ZCWPW2: variants seen among roughly 807,000 people sequenced by gnomAD.
The protein encoded by ZCWPW2 is zinc finger CW-type and PWWP domain containing 2, also known as zinc finger CW-type PWWP domain protein 2.
Under a neutral mutation model 46.6 loss-of-function variants are expected in ZCWPW2, and 45 were observed. The observed-to-expected ratio is 0.96, with a 90% CI of 0.76 to 1.24. The LOEUF (loss-of-function observed/expected upper bound fraction) is 1.24, where lower values mean the gene tolerates loss of function less well. Ranked by LOEUF, ZCWPW2 falls within the 50% of genes most tolerant of loss-of-function variation. The probability of loss-of-function intolerance (pLI) is 0.00; values close to 1 mark genes in which losing one functional copy is unlikely to be tolerated. For synonymous variants in ZCWPW2, 152 were observed against 137.1 expected (o/e 1.11, Z -0.76); for missense variants, 429 against 403.9 (o/e 1.06, Z -0.53).
chr3:28,522,257 G>A (rs376550337), intron 9 of ZCWPW2, among the ~76,000 whole-genome samples: 2 of 152,216 alleles, frequency 1.3e-5, no homozygotes, highest in East Asian at 3.9e-4. Context: ...AGAACTTAAA[G>A]TATAATTTAA....
In ZCWPW2 at chr3:28,427,137, G is replaced by C. The variant is rs143614230; in HGVS notation, c.333-7973G>C. On this transcript the variant is annotated intron_variant, in intron 3 of 9. Transcript: ENST00000383768. ...TATACTTTTCTTGTAATTCTGATAAGTTACCATTGGGTTGCCCACTCCTCT... is the reference window on the plus strand; with the variant it reads ...TATACTTTTCTTGTAATTCTGATAACTTACCATTGGGTTGCCCACTCCTCT... 2.5e-3 allele frequency among the ~76,000 whole-genome samples: 386 copies of C among 152,264 alleles called. 1 individual carries two copies. The highest frequency in any genetic ancestry group is 8.4e-3 in the African/African-American group (350 of 41,548).
intron 2 of ZCWPW2, among the ~76,000 whole-genome samples, chr3:28,408,512 A>G (rs1433405342): frequency 6.6e-6 from 1 of 152,218 alleles, no homozygotes; most frequent in African/African-American, 2.4e-5. Flanking sequence ...TCTAGATAAT[A>G]TATTCTATAA....
At chr3:28,450,334 C>T (rs937575788) in intron 4 of ZCWPW2, among the ~76,000 whole-genome samples, 1 of 152,118 alleles carries the variant, frequency 6.6e-6, no homozygotes, top group African/African-American at 2.4e-5. Flanking sequence ...ACATGTCTAA[C>T]CCAATAGTAA....
At chr3:28,433,097 A>C (rs1697334801) in intron 3 of ZCWPW2, among the ~76,000 whole-genome samples, 1 of 151,298 alleles carries the variant, frequency 6.6e-6, no homozygotes, top group Non-Finnish European at 1.5e-5. Context: ...ATTCTTACAC[A>C]CACACACACA....
chr3:28,455,666 G>T (rs1698395665), intron 4 of ZCWPW2, among the ~76,000 whole-genome samples: 1 of 152,028 alleles, frequency 6.6e-6, no homozygotes, highest in Non-Finnish European at 1.5e-5. Flanking sequence ...TTTGTAAATG[G>T]TGTAAGGAAG....
intron 4 of ZCWPW2, among the ~76,000 whole-genome samples, chr3:28,453,884 G>T (rs539493707): frequency 7.4e-4 from 107 of 144,858 alleles, no homozygotes; most frequent in African/African-American, 2.7e-3. Context: ...TCGCTCTGTC[G>T]CCCAGGCTGG....
intron 4 of ZCWPW2, among the ~76,000 whole-genome samples, chr3:28,449,293 A>G (rs140443653): frequency 6.6e-6 from 1 of 152,360 alleles, no homozygotes; most frequent in African/African-American, 2.4e-5. Flanking sequence ...CTTAGAAGAA[A>G]ACACAGGACA....
At chr3:28,503,260 A>G (rs969970533) in intron 6 of ZCWPW2, among the ~76,000 whole-genome samples, 3 of 152,208 alleles carry the variant, frequency 2.0e-5, no homozygotes, top group Non-Finnish European at 2.9e-5. Context: ...AGTACCAGTT[A>G]TCAAATGGTG....
At chr3:28,384,268 T>C (rs533204309) in intron 1 of ZCWPW2, among the ~76,000 whole-genome samples, 214 of 152,330 alleles carry the variant, frequency 1.4e-3, no homozygotes, top group Non-Finnish European at 2.4e-3. Flanking sequence ...TGTATTAATA[T>C]GTTAGAAATC....
intron 1 of ZCWPW2, among the ~76,000 whole-genome samples, chr3:28,357,172 A>G (rs953333612): frequency 6.6e-6 from 1 of 152,192 alleles, no homozygotes; most frequent in African/African-American, 2.4e-5. Context: ...AGACAAAGCA[A>G]TTATTCAGAG....
In ZCWPW2 at chr3:28,382,526, T is replaced by C. The variant is rs905766444; in HGVS notation, c.-133-7972T>C. Among the ~76,000 whole-genome samples the C allele has an allele frequency of 2.0e-5, 3 of 152,218 alleles. No individual in the cohort carries two copies. In the East Asian group the frequency reaches 5.8e-4, roughly 29 times the overall value. ...TAGAACTTTAACATGTGAATTTTTT[T>C]GGAGAGGAGGGCAAACAATTCAGCT... is the stretch of plus-strand genomic sequence containing the variant. On this transcript the variant is annotated intron_variant, in intron 1 of 9. Coordinates refer to ENST00000383768, the MANE Select transcript of ZCWPW2 (RefSeq NM_001040432.4).
chr3:28,395,826 T>C (rs1012336102), intron 2 of ZCWPW2, among the ~76,000 whole-genome samples: 1 of 152,128 alleles, frequency 6.6e-6, no homozygotes, highest in Non-Finnish European at 1.5e-5. Context: ...AGACCTAATG[T>C]ACAGCATAGT....
chr3:28,354,064 T>C lies in ZCWPW2; in HGVS notation c.-134+4861T>C, dbSNP rs150967375. Among the ~76,000 whole-genome samples the C allele has an allele frequency of 1.5e-3, 233 of 152,188 alleles. 3 individuals carry two copies. The East Asian group carries it at 0.034, about 22-fold the overall frequency. On this transcript the variant is annotated intron_variant, in intron 1 of 9. Coordinates refer to ENST00000383768, the MANE Select transcript of ZCWPW2 (RefSeq NM_001040432.4). ...AGGCACTGGGATGAAATAGGCAAAA[T>C]GGCTTTTTTAAAGTACAAGGAGGTA... is the stretch of plus-strand genomic sequence containing the variant.
At chr3:28,458,476 T>C (rs1416531540) in intron 4 of ZCWPW2, among the ~76,000 whole-genome samples, 2 of 152,204 alleles carry the variant, frequency 1.3e-5, no homozygotes, top group Non-Finnish European at 2.9e-5. Context: ...TTTTTTGGAC[T>C]GTAGACATCA....
At chr3:28,408,927 G>C (rs1696276190) in intron 2 of ZCWPW2, among the ~76,000 whole-genome samples, 1 of 151,970 alleles carries the variant, frequency 6.6e-6, no homozygotes, top group South Asian at 2.1e-4. Flanking sequence ...ACAGAGCCCA[G>C]AAATAGATTC....
intron 5 of ZCWPW2, among the ~76,000 whole-genome samples, chr3:28,480,506 AT>A (rs1432360871): frequency 6.6e-6 from 1 of 151,118 alleles, no homozygotes; most frequent in Non-Finnish European, 1.5e-5. Flanking sequence ...AGATGCATAG[AT>A]TGCAAAAATT....
chr3:28,397,295 G>T (rs898234199), intron 2 of ZCWPW2, among the ~76,000 whole-genome samples: 2 of 152,046 alleles, frequency 1.3e-5, no homozygotes, highest in Non-Finnish European at 2.9e-5. Flanking sequence ...TTTAATGAAC[G>T]CAAAAACTAT....
intron 5 of ZCWPW2, among the ~76,000 whole-genome samples, chr3:28,481,047 A>T (rs1000076633): frequency 6.6e-6 from 1 of 151,662 alleles, no homozygotes; most frequent in Admixed American, 6.6e-5. Flanking sequence ...TTGTATCTTT[A>T]GTAGAGATGG....
chr3:28,491,689 T>C lies in ZCWPW2; in HGVS notation c.611-438T>C, dbSNP rs148430951. Among the ~76,000 whole-genome samples the C allele has an allele frequency of 6.4e-3, 975 of 152,162 alleles. 6 individuals carry two copies. Among genetic ancestry groups the C allele is most frequent in the African/African-American group, 0.02 (818 of 41,536 alleles). ...TGAAGTGAGGAGGGACTGCGTACTT[T>C]ACAAGGTTATAATGAGAATTAAATA... On this transcript the variant is annotated intron_variant, in intron 5 of 9. Coordinates refer to ENST00000383768, the MANE Select transcript of ZCWPW2 (RefSeq NM_001040432.4).
Sources: allele counts gnomAD v4.1 joint callset (sites outside exome capture counted in the v4.1 genomes callset), GRCh38; gene constraint gnomAD v4.1.1; transcripts MANE v1.5; gene names NCBI Gene and HGNC (gene_info 2026-07-23, HGNC 2026-07-21).